PLA2G5: variants seen among roughly 807,000 people sequenced by gnomAD.
PLA2G5 encodes the protein phospholipase A2 group V, also known as Ca2+-dependent phospholipase A2.
In PLA2G5, 12 loss-of-function variants were observed where a neutral mutation model predicts 15.9. The observed-to-expected ratio is 0.76, with a 90% confidence interval of 0.48 to 1.23. The LOEUF (loss-of-function observed/expected upper bound fraction) is 1.23, where lower values mean the gene tolerates loss of function less well. PLA2G5 is among the 50% of genes most tolerant of loss of function. The probability of loss-of-function intolerance (pLI) is 0.00; values close to 1 mark genes in which losing one functional copy is unlikely to be tolerated. For synonymous variants in PLA2G5, 71 were observed against 71.4 expected (o/e 0.99, Z 0.03); for missense variants, 169 against 177.1 (o/e 0.95, Z 0.26).
At chr1:20,074,649 G>T (rs924021050) in intron 1 of PLA2G5, among the ~76,000 whole-genome samples, 2 of 152,138 alleles carry the variant, frequency 1.3e-5, no homozygotes, top group African/African-American at 4.8e-5. Flanking sequence ...CTAAAAAGTG[G>T]CAAATAAAAA....
Position 20,091,770 on chromosome 1 carries a change from GAACA to G in PLA2G5, c.*1079_*1082del, listed in dbSNP as rs1208015581. ...AGAAAGGATGTATTCCAAAACAAAG[GAACA>G]TCCTTCCAAGAAAGGACCTATGGCT... On this transcript the variant is annotated 3_prime_UTR_variant, in exon 5 of 5. Transcript: ENST00000375108. Among the ~76,000 whole-genome samples, 6 of 151,876 alleles carry G rather than the reference GAACA, an allele frequency of 4.0e-5. No individual in the cohort carries two copies. The highest frequency in any genetic ancestry group is 1.2e-4 in the African/African-American group (5 of 41,334).
chr1:20,031,641 G>A (rs1028454472), intron 1 of PLA2G5, among the ~76,000 whole-genome samples: 1 of 143,156 alleles, frequency 7.0e-6, no homozygotes, highest in South Asian at 2.5e-4. Context: ...GGTTAGTCCT[G>A]TAAGAAAGGA....
At chr1:20,048,324 T>C (rs996865373) in intron 1 of PLA2G5, among the ~76,000 whole-genome samples, 21 of 152,308 alleles carry the variant, frequency 1.4e-4, no homozygotes, top group Non-Finnish European at 2.6e-4. Flanking sequence ...ACATTTTTGT[T>C]TGTGCTTATG....
At position 20,086,238 on chromosome 1, in the gene PLA2G5, C is replaced by A; in HGVS notation, c.185+11C>A. 2 of 1,613,750 alleles carry A rather than the reference C, an allele frequency of 1.2e-6. No individual in the cohort carries two copies. The highest frequency in any genetic ancestry group is 1.7e-6 in the Non-Finnish European group (2 of 1,179,716). On this transcript the variant is annotated intron_variant, in intron 3 of 4. Coordinates refer to ENST00000375108, the MANE Select transcript of PLA2G5 (RefSeq NM_000929.3). ...GGATGGCACCGATTGGTGAGCTGAT[C>A]GCTATAACTGCCCTTTAGGCTCCAG... is the stretch of plus-strand genomic sequence containing the variant.
At chr1:20,043,631 G>A (rs2013735241) in intron 1 of PLA2G5, among the ~76,000 whole-genome samples, 1 of 152,172 alleles carries the variant, frequency 6.6e-6, no homozygotes, top group African/African-American at 2.4e-5. Flanking sequence ...CAGGGAAGCA[G>A]ATAATTTGGT....
At position 20,044,258 on chromosome 1, in the gene PLA2G5, G is replaced by GT. The variant is rs1158280291; in HGVS notation, n.277-15368dup. Among the ~76,000 whole-genome samples the GT allele has an allele frequency of 2.6e-5, 4 of 152,152 alleles. No homozygotes were observed. In the East Asian group the frequency reaches 5.8e-4, roughly 22 times the overall value. The stretch of plus-strand genomic sequence containing the variant: ...TCTTGTGTGCTGGAGGTATGGCTGG[G>GT]TTTTTTCTCACAGCAGAGGCAAGTA... On this transcript the variant is annotated intron_variant and non_coding_transcript_variant, in intron 1 of 6. Transcript: ENST00000460175.
Position 20,090,622 on chromosome 1 carries a change from A to G in PLA2G5, c.347A>G (p.Tyr116Cys), listed in dbSNP as rs766190819. The change falls in exon 5 of 5, where the codon TAC (tyrosine) becomes TGC (cysteine). Residue 116 changes from tyrosine (Y) to cysteine (C), a missense_variant. Tyr to Cys is a radical substitution (Grantham distance 194). Coordinates refer to ENST00000375108, the MANE Select transcript of PLA2G5 (RefSeq NM_000929.3). ...TGTGCCTGTGACCGGAAGCTCGTCT[A>G]CTGCCTCAAGAGAAACCTACGGAGC... ...NLCACDRKLV[Y>C]CLKRNLRSYN... is the part of the protein sequence containing the mutation. 1.2e-5 allele frequency: 20 copies of G among 1,613,932 alleles called. No individual in the cohort carries two copies. Among genetic ancestry groups the G allele is most frequent in the South Asian group, 1.2e-4 (11 of 91,070 alleles).
In PLA2G5 at chr1:20,091,534, T is replaced by C. The variant is rs543017362; in HGVS notation, c.*842T>C. 7.9e-5 allele frequency among the ~76,000 whole-genome samples: 12 copies of C among 152,140 alleles called. No individual in the cohort carries two copies. The highest frequency in any genetic ancestry group is 1.8e-4 in the Non-Finnish European group (12 of 68,036). ...TTCAGTCTCTTTGAGAAATAAACTG[T>C]CTTGTTCCTTGCAATGTAAAATGAG... On this transcript the variant is annotated 3_prime_UTR_variant, in exon 5 of 5. Transcript: ENST00000375108.
chr1:20,043,883 G>A (rs2013750783), intron 1 of PLA2G5, among the ~76,000 whole-genome samples: 1 of 152,188 alleles, frequency 6.6e-6, no homozygotes, highest in African/African-American at 2.4e-5. Flanking sequence ...CACTGTGAGA[G>A]TTACCTGAAG....
intron 1 of PLA2G5, among the ~76,000 whole-genome samples, chr1:20,036,524 C>A: frequency 6.6e-6 from 1 of 151,956 alleles, no homozygotes; most frequent in Admixed American, 6.6e-5. Flanking sequence ...CTATTGCTTT[C>A]TTCTATTGTT....
chr1:20,079,351 A>G (rs2015878646), intron 1 of PLA2G5, among the ~76,000 whole-genome samples: 1 of 152,174 alleles, frequency 6.6e-6, no homozygotes, highest in South Asian at 2.1e-4. Flanking sequence ...CTCTGAGGCA[A>G]ATGAGCTTCA....
chr1:20,048,595 T>C (rs533606855), intron 1 of PLA2G5, among the ~76,000 whole-genome samples: 3 of 152,358 alleles, frequency 2.0e-5, no homozygotes, highest in South Asian at 4.1e-4. Context: ...TGTTATCATC[T>C]TTATTTCAAA....
intron 1 of PLA2G5, among the ~76,000 whole-genome samples, chr1:20,033,199 T>C (rs2013060910): frequency 6.6e-6 from 1 of 152,206 alleles, no homozygotes; most frequent in African/African-American, 2.4e-5. Flanking sequence ...GAGTTTGTTT[T>C]TGGCAATGAT....
intron 1 of PLA2G5, among the ~76,000 whole-genome samples, chr1:20,057,464 G>A (rs941833809): frequency 3.8e-4 from 58 of 151,858 alleles, no homozygotes; most frequent in African/African-American, 1.4e-3. Flanking sequence ...ATTAGTATTA[G>A]TATGGTATAT....
chr1:20,078,981 C>T (rs1295378413), intron 1 of PLA2G5, among the ~76,000 whole-genome samples: 1 of 151,786 alleles, frequency 6.6e-6, no homozygotes, highest in Non-Finnish European at 1.5e-5. Context: ...CATGGTGGTG[C>T]CCACTGTAGT....
exon 1 of PLA2G5, chr1:20,028,618 C>T (rs936450297): frequency 1.3e-5 from 2 of 152,150 alleles, no homozygotes; most frequent in African/African-American, 2.4e-5. Context: ...TGATACTGGA[C>T]TTAGTGGAGG....
chr1:20,043,974 G>T (rs1569658498), intron 1 of PLA2G5, among the ~76,000 whole-genome samples: 1 of 152,236 alleles, frequency 6.6e-6, no homozygotes, highest in East Asian at 1.9e-4. Context: ...AGCAGATCTG[G>T]GAAGGAGTCA....
chr1:20,044,023 T>C (rs1453519399), intron 1 of PLA2G5, among the ~76,000 whole-genome samples: 2 of 152,214 alleles, frequency 1.3e-5, no homozygotes, highest in Non-Finnish European at 2.9e-5. Context: ...TTAGGGGCTC[T>C]AGGAGTGGCT....
rs538675272 is a variant in PLA2G5, at chr1:20,054,052, A to C, written n.277-5580A>C. Among the ~76,000 whole-genome samples, 3 of 152,078 alleles carry C rather than the reference A, an allele frequency of 2.0e-5. No homozygotes were observed. In the Admixed American group the frequency reaches 2.0e-4, roughly 10 times the overall value. On this transcript the variant is annotated intron_variant and non_coding_transcript_variant, in intron 1 of 6. Transcript: ENST00000460175. ...AAGATGCTGTTTGGACCATGTTCCT[A>C]TGTGAAGATCATAACCCTCCACTTG...
Sources: allele counts gnomAD v4.1 joint callset (sites outside exome capture counted in the v4.1 genomes callset), GRCh38; gene constraint gnomAD v4.1.1; transcripts MANE v1.5; gene names NCBI Gene and HGNC (gene_info 2026-07-23, HGNC 2026-07-21).